The following SUN5 variants were observed in gnomAD, a reference collection of about 807,000 sequenced individuals.
SUN5 encodes SUN domain-containing protein 5.
Under a neutral mutation model 53.7 loss-of-function variants are expected in SUN5, and 44 were observed. The ratio of observed to expected loss-of-function variants is 0.82; its 90% CI spans 0.64 to 1.05. The LOEUF (loss-of-function observed/expected upper bound fraction) is 1.05, where lower values mean the gene tolerates loss of function less well. Ranked by LOEUF, SUN5 falls within the 50% of genes least tolerant of loss-of-function variation. The probability of loss-of-function intolerance (pLI) is 0.00; values close to 1 mark genes in which losing one functional copy is unlikely to be tolerated. For synonymous variants in SUN5, 166 were observed against 179.8 expected (o/e 0.92, Z 0.62); for missense variants, 433 against 483.8 (o/e 0.90, Z 0.98).
chr20:32,998,782 G>T (rs1416591346), intron 5 of SUN5, among the ~76,000 whole-genome samples: 1 of 151,830 alleles, frequency 6.6e-6, no homozygotes, highest in Non-Finnish European at 1.5e-5. Context: ...ACTTTGGGAG[G>T]CTGAGATACG....
chr20:32,992,144 G>C (rs1029725231), intron 8 of SUN5, among the ~76,000 whole-genome samples: 2 of 152,174 alleles, frequency 1.3e-5, no homozygotes. Context: ...CAATATTCTG[G>C]AAGTTGTCCT....
At chr20:32,996,659 C>G (rs1187596762) in intron 6 of SUN5, among the ~76,000 whole-genome samples, 2 of 137,136 alleles carry the variant, frequency 1.5e-5, no homozygotes, top group Non-Finnish European at 3.1e-5. Context: ...TATTTACACT[C>G]CAATCCATAT....
In SUN5 at chr20:32,987,753, G is replaced by A. The variant is rs202057899; in HGVS notation, c.636C>T (p.His212=). The change falls in exon 10 of 13, where the codon CAC becomes CAT. Residue 212 remains histidine, a synonymous_variant. Coordinates refer to ENST00000356173, the MANE Select transcript of SUN5 (RefSeq NM_080675.4). ...KSIGASIDFE[H]TSVTYNHEKA... ...TCTCATGGTTATAGGTGACTGACGT[G>A]TGCTCAAAGTCAATGCTGGCCCCTG... 3.3e-5 allele frequency: 54 copies of A among 1,612,944 alleles called. No individual in the cohort carries two copies. The highest frequency in any genetic ancestry group is 2.5e-6 in the Non-Finnish European group (3 of 1,179,698).
intron 2 of SUN5, 83 bp from the exon 3 acceptor site, chr20:33,002,744 G>A (rs1288382459): frequency 3.7e-6 from 6 of 1,600,834 alleles, no homozygotes; most frequent in South Asian, 3.3e-5. Flanking sequence ...CCAGAGCTTG[G>A]TGCGAACATC....
chr20:33,001,868 G>A (rs1260893260), intron 3 of SUN5, among the ~76,000 whole-genome samples: 1 of 152,042 alleles, frequency 6.6e-6, no homozygotes, highest in Non-Finnish European at 1.5e-5. Flanking sequence ...TGGCCAGGTT[G>A]GTCTCAAACT....
At chr20:32,994,202 G>T (rs1015931773) in intron 8 of SUN5, among the ~76,000 whole-genome samples, 1 of 152,176 alleles carries the variant, frequency 6.6e-6, no homozygotes, top group Non-Finnish European at 1.5e-5. Context: ...ATCCAGGTCT[G>T]TCTGAACTAG....
intron 10 of SUN5, 141 bp from the exon 11 acceptor site, chr20:32,986,044 C>G: frequency 1.1e-6 from 1 of 896,732 alleles, no homozygotes; most frequent in Non-Finnish European, 1.7e-6. Context: ...CCACCCCCTC[C>G]AGGAAGCTCT....
At position 32,983,785 on chromosome 20, in the gene SUN5, G is replaced by A; in HGVS notation, c.*9C>T. On this transcript the variant is annotated 3_prime_UTR_variant, in exon 13 of 13. Coordinates refer to ENST00000356173, the MANE Select transcript of SUN5 (RefSeq NM_080675.4). ...CACTCAGACTTGGTCTGGGGGTAAA[G>A]AATAAATTTTAATCTCTCTTAGGGT... 2 of 1,465,448 alleles carry A rather than the reference G, an allele frequency of 1.4e-6. No individual in the cohort carries two copies. The highest frequency in any genetic ancestry group is 3.0e-5 in the South Asian group (2 of 65,664). 90.8% of individuals were successfully genotyped at this position (1,465,448 alleles called of 1,614,324 possible). A position where few individuals can be genotyped will look rare whatever the true frequency, so the allele number is the denominator to read the frequency against.
At position 32,996,868 on chromosome 20, in the gene SUN5, T is replaced by C. The variant is rs114122954; in HGVS notation, c.391-510A>G. ...AACCTTCCATCTGTCCATCCTCCCA[T>C]CCATTCTCTCTCCATGCACACTCCC... is the stretch of plus-strand genomic sequence containing the variant. On this transcript the variant is annotated intron_variant, in intron 6 of 12. Coordinates refer to ENST00000356173, the MANE Select transcript of SUN5 (RefSeq NM_080675.4). 4.5e-3 allele frequency among the ~76,000 whole-genome samples: 683 copies of C among 152,272 alleles called. 8 individuals are homozygous for C. Among genetic ancestry groups the C allele is most frequent in the African/African-American group, 0.016 (655 of 41,530 alleles).
At chr20:32,993,891 C>T (rs1243252571) in intron 8 of SUN5, among the ~76,000 whole-genome samples, 1 of 152,180 alleles carries the variant, frequency 6.6e-6, no homozygotes, top group African/African-American at 2.4e-5. Flanking sequence ...GATCCATTAC[C>T]CTAGAAGGGG....
chr20:32,996,813 C>G (rs1188008097), intron 6 of SUN5, among the ~76,000 whole-genome samples: 3 of 152,172 alleles, frequency 2.0e-5, no homozygotes, highest in African/African-American at 7.2e-5. Context: ...CCTCCTATCT[C>G]TTTCCCCTAG....
chr20:33,000,977 G>C (rs996808019), intron 4 of SUN5, among the ~76,000 whole-genome samples: 1 of 152,182 alleles, frequency 6.6e-6, no homozygotes, highest in Admixed American at 6.5e-5. Context: ...AGCCAAGTGA[G>C]AGCAGCTTGG....
At chr20:32,989,082 C>G (rs900785784) in intron 9 of SUN5, among the ~76,000 whole-genome samples, 1 of 152,194 alleles carries the variant, frequency 6.6e-6, no homozygotes, top group East Asian at 1.9e-4. Context: ...CCCACCACCA[C>G]GCTCAGCTAA....
intron 3 of SUN5, among the ~76,000 whole-genome samples, chr20:33,001,499 AACAG>A (rs1990008859): frequency 2.1e-5 from 1 of 48,476 alleles, no homozygotes; most frequent in Admixed American, 1.8e-4. Context: ...ACTGGCAGTT[AACAG>A]ACATTTTCTT....
chr20:32,989,598 G>A (rs370058717), intron 9 of SUN5, 22 bp downstream of exon 9: 1 of 1,610,228 alleles, frequency 6.2e-7, no homozygotes, highest in Admixed American at 1.7e-5. Context: ...GCAGTCAGAT[G>A]GTGGGGAAGG....
chr20:32,985,527 C>G (rs1989513464), intron 11 of SUN5, among the ~76,000 whole-genome samples: 1 of 152,042 alleles, frequency 6.6e-6, no homozygotes, highest in South Asian at 2.1e-4. Flanking sequence ...CTCTGAAAAG[C>G]TTGGTTTAAA....
intron 8 of SUN5, among the ~76,000 whole-genome samples, chr20:32,991,951 C>A (rs1449484593): frequency 6.6e-6 from 1 of 152,172 alleles, no homozygotes; most frequent in African/African-American, 2.4e-5. Flanking sequence ...TGGTTGTGCA[C>A]GTTGCGCACA....
At chr20:32,987,804 G>T in intron 9 of SUN5, 29 bp from the exon 10 acceptor site, 1 of 1,586,410 alleles carries the variant, frequency 6.3e-7, no homozygotes, top group Non-Finnish European at 8.6e-7. Flanking sequence ...TCTCAGCCAA[G>T]CAGCCGGGCT....
In SUN5 at chr20:32,993,238, C is replaced by T. The variant is rs143471447; in HGVS notation, c.534+2381G>A. On this transcript the variant is annotated intron_variant, in intron 8 of 12. Coordinates refer to ENST00000356173, the MANE Select transcript of SUN5 (RefSeq NM_080675.4). ...CAAAGGCCAGGAGTTTCCAGATTGA[C>T]GGATTCCAAAGGGTGGCCAGCCCAT... 3.4e-4 allele frequency among the ~76,000 whole-genome samples: 52 copies of T among 152,282 alleles called. 1 individual carries two copies. In the East Asian group the frequency reaches 7.9e-3, roughly 23 times the overall value.
Sources: allele counts gnomAD v4.1 joint callset (sites outside exome capture counted in the v4.1 genomes callset), GRCh38; gene constraint gnomAD v4.1.1; transcripts MANE v1.5; gene names NCBI Gene and HGNC (gene_info 2026-07-23, HGNC 2026-07-21).